The following ARHGAP39 variants were observed in gnomAD, a reference collection of about 807,000 sequenced individuals.
ARHGAP39 encodes the protein Rho GTPase activating protein 39, also known as rho GTPase-activating protein 39.
In ARHGAP39, 44 loss-of-function variants were observed where a neutral mutation model predicts 106.9. The ratio of observed to expected loss-of-function variants is 0.41; its 90% CI spans 0.32 to 0.53. The LOEUF is 0.53. Among genes scored for constraint, ARHGAP39 ranks in the 20% least tolerant of loss-of-function variants. The probability of loss-of-function intolerance (pLI) is 0.21; values close to 1 mark genes in which losing one functional copy is unlikely to be tolerated. For synonymous variants in ARHGAP39, 768 were observed against 693.2 expected (o/e 1.11, Z -1.69); for missense variants, 1,496 against 1,577.3 (o/e 0.95, Z 0.87).
chr8:144,614,292 G>C (rs1261575167), intron 1 of ARHGAP39, among the ~76,000 whole-genome samples: 1 of 151,432 alleles, frequency 6.6e-6, no homozygotes, highest in Non-Finnish European at 1.5e-5. Flanking sequence ...TCTTTGGTTG[G>C]ATGCCAGACA....
In ARHGAP39 at chr8:144,532,508, C is replaced by T. The variant is rs898131784; in HGVS notation, c.2889-112G>A. ...TGCTGACCCGGGGAGGGGAGCAAAA[C>T]CTCAGGACCCCCCGCCACCCCGGTT... On this transcript the variant is annotated intron_variant, in intron 9 of 11. Transcript: ENST00000377307. 3.3e-6 allele frequency: 3 copies of T among 915,386 alleles called. No individual in the cohort carries two copies. In the African/African-American group the frequency reaches 5.0e-5, roughly 15 times the overall value. 56.7% of individuals were successfully genotyped at this position (915,386 alleles called of 1,614,324 possible).
At chr8:144,630,702 G>A (rs1821038628) in intron 1 of ARHGAP39, among the ~76,000 whole-genome samples, 1 of 152,250 alleles carries the variant, frequency 6.6e-6, no homozygotes, top group Non-Finnish European at 1.5e-5. Flanking sequence ...ACCCCAGGGG[G>A]TGATCACGTC....
chr8:144,628,576 C>A (rs966243766), intron 1 of ARHGAP39, among the ~76,000 whole-genome samples: 2 of 152,126 alleles, frequency 1.3e-5, no homozygotes, highest in Admixed American at 6.5e-5. Context: ...GATTTAAAAC[C>A]GTCTCTCTCG....
intron 1 of ARHGAP39, among the ~76,000 whole-genome samples, chr8:144,628,046 A>G (rs1022571174): frequency 6.6e-6 from 1 of 152,148 alleles, no homozygotes; most frequent in African/African-American, 2.4e-5. Flanking sequence ...CCAGTCCTGC[A>G]CCTGCGGGAG....
At chr8:144,700,167 T>TC in the ARHGAP39 span, among the ~76,000 whole-genome samples, 26 of 151,634 alleles carry the variant, frequency 1.7e-4, no homozygotes, top group Non-Finnish European at 2.5e-4. This position sits in a 1 kb window ranked among gnomAD's most constrained non-coding sequence, Gnocchi z 5.6. Context: ...TCATTCAGTC[T>TC]CCCCCCTGGA....
At chr8:144,532,158 G>T in intron 10 of ARHGAP39, 147 bp downstream of exon 10, 1 of 715,780 alleles carries the variant, frequency 1.4e-6, no homozygotes, top group Non-Finnish European at 2.4e-6. Flanking sequence ...TGTCCAATGG[G>T]CAGAAGGGAG....
the ARHGAP39 span, chr8:144,699,062 G>A: frequency 4.0e-5 from 14 of 346,826 alleles, no homozygotes; most frequent in Admixed American, 1.9e-4. Context: ...TGCACAGGGC[G>A]TGGGACACAC....
intron 3 of ARHGAP39, among the ~76,000 whole-genome samples, chr8:144,557,566 T>C (rs913555506): frequency 4.7e-5 from 7 of 149,750 alleles, no homozygotes; most frequent in African/African-American, 7.4e-5. Context: ...ACCTTCATAG[T>C]ATTCAGCGGC....
chr8:144,597,956 G>A (rs1446790400), intron 2 of ARHGAP39, among the ~76,000 whole-genome samples: 2 of 152,196 alleles, frequency 1.3e-5, no homozygotes, highest in African/African-American at 4.8e-5. Context: ...GGAAGAAAAG[G>A]CCGGAGGAGA....
chr8:144,562,348 TCCAGTGGTTTCCATCGGACC>T (rs1818216674), intron 3 of ARHGAP39, among the ~76,000 whole-genome samples: 5 of 147,714 alleles, frequency 3.4e-5, no homozygotes, highest in East Asian at 2.1e-4. Flanking sequence ...TCCATCACGC[TCCAGTGGTTTCCATCGGACC>T]CCAGTGGTTT....
At chr8:144,620,789 C>A (rs767860980) in intron 1 of ARHGAP39, among the ~76,000 whole-genome samples, 1 of 152,244 alleles carries the variant, frequency 6.6e-6, no homozygotes, top group Non-Finnish European at 1.5e-5. Flanking sequence ...CAGGCGCCTA[C>A]GTGTGAGAAG....
At chr8:144,676,067 G>A (rs573566233) in intron 1 of ARHGAP39, among the ~76,000 whole-genome samples, 5 of 152,282 alleles carry the variant, frequency 3.3e-5, no homozygotes, top group East Asian at 1.9e-4. Context: ...AAGGCGGCGC[G>A]GACCCAAAGA....
rs559480773 is a variant in ARHGAP39 at position 144,555,929 on chromosome 8, T to A, written c.513-286A>T. 1.1e-4 allele frequency among the ~76,000 whole-genome samples: 16 copies of A among 152,006 alleles called. No individual in the cohort carries two copies. In the South Asian group the frequency reaches 3.3e-3, roughly 32 times the overall value. ...CTGTTCTAAGGGCATAGAGATGGGG[T>A]TACTGAGAATCACAGCTTCAGCCAG... On this transcript the variant is annotated intron_variant, in intron 3 of 11. Coordinates refer to ENST00000377307, the MANE Select transcript of ARHGAP39 (RefSeq NM_025251.3).
chr8:144,595,751 G>A (rs565802065), intron 2 of ARHGAP39, among the ~76,000 whole-genome samples: 5 of 152,202 alleles, frequency 3.3e-5, no homozygotes, highest in African/African-American at 4.8e-5. Flanking sequence ...AGCTGGCCCC[G>A]AGCAGACCCT....
At chr8:144,535,413 C>T (rs1393864044) in intron 7 of ARHGAP39, among the ~76,000 whole-genome samples, 3 of 152,236 alleles carry the variant, frequency 2.0e-5, no homozygotes, top group African/African-American at 7.2e-5. Flanking sequence ...CCCCAGCCTC[C>T]AGCGTGGGAC....
At chr8:144,665,643 G>C (rs752792711) in intron 1 of ARHGAP39, among the ~76,000 whole-genome samples, 21 of 152,210 alleles carry the variant, frequency 1.4e-4, no homozygotes, top group Non-Finnish European at 2.9e-4. Flanking sequence ...GGCTTCAGAG[G>C]GTGGAAGCTC....
chr8:144,618,605 G>A (rs1015744605), intron 1 of ARHGAP39, among the ~76,000 whole-genome samples: 15 of 151,824 alleles, frequency 9.9e-5, no homozygotes, highest in African/African-American at 3.6e-4. Flanking sequence ...TCAGCCATGC[G>A]CCCTCCATCC....
chr8:144,547,165 T>C lies in ARHGAP39; in HGVS notation c.1921A>G (p.Asn641Asp). The C allele has an allele frequency of 1.9e-6, 3 of 1,610,716 alleles. No individual in the cohort carries two copies. The highest frequency in any genetic ancestry group is 1.1e-5 in the South Asian group (1 of 90,566). ...AGGTAGGGCTCTGGTGAGGCCAGGT[T>C]GGTCTGCACGGAGACGCTCTTCTCC... The part of the protein sequence containing the change: ...LLEKSVSVQT[N>D]LASPEPYLHP... The change falls in exon 5 of 12, where the codon AAC becomes GAC. Residue 641 changes from asparagine (N) to aspartate (D), a missense_variant. Physicochemically the swap from Asn to Asp is conservative, Grantham distance 23. Transcript: ENST00000377307. This position sits in a 1 kb window ranked among gnomAD's most constrained non-coding sequence, Gnocchi z 5.2.
chr8:144,570,176 G>A (rs1818535408), intron 3 of ARHGAP39, among the ~76,000 whole-genome samples: 1 of 152,300 alleles, frequency 6.6e-6, no homozygotes, highest in African/African-American at 2.4e-5. Flanking sequence ...AGCCGAGATG[G>A]TGCCATTGCA....
Sources: gnomAD v4.1 joint callset for allele counts (sites outside exome capture counted in the v4.1 genomes callset) on GRCh38, gnomAD v4.1.1 for gene constraint, Gnocchi (gnomAD v3.1) non-coding constraint, MANE v1.5 for transcripts, NCBI Gene and HGNC (gene_info 2026-07-23, HGNC 2026-07-21) for gene names.